COL11A1: variants seen among roughly 807,000 people sequenced by gnomAD.
COL11A1 encodes the protein collagen alpha-1(XI) chain.
COL11A1 carries 74 observed loss-of-function variants against 265.2 expected under a neutral mutation model. That is an observed-to-expected ratio of 0.28 (90% confidence interval 0.23 to 0.34). The LOEUF (loss-of-function observed/expected upper bound fraction) is 0.34. COL11A1 is among the 10% of genes least tolerant of loss of function. The pLI is 1.00. For synonymous variants in COL11A1, 816 were observed against 727.6 expected (o/e 1.12, Z -1.96); for missense variants, 2,165 against 2,263.6 (o/e 0.96, Z 0.88).
intron 4 of COL11A1, among the ~76,000 whole-genome samples, chr1:103,071,415 A>C (rs1468827130): frequency 6.8e-6 from 1 of 146,758 alleles, no homozygotes; most frequent in Non-Finnish European, 1.5e-5. Context: ...ACATCTTTGA[A>C]TCTTATTTAG....
chr1:102,898,164 G>C lies in COL11A1; in HGVS notation c.4263C>G (p.Leu1421=). 6.8e-7 allele frequency: 1 copy of C among 1,470,202 alleles called. No homozygotes were observed. Among genetic ancestry groups the C allele is most frequent in the East Asian group, 2.5e-5 (1 of 39,404 alleles). 91.1% of individuals were successfully genotyped at this position (1,470,202 alleles called of 1,614,324 possible). ...GTCCATCTTGGCCTGCAGCTCCAGG[G>C]AGACCTTGTTCTCCCTAGAGAAAAT... ...GIPGPVGEQG[L]PGAAGQDGPP... is the part of the protein sequence containing the mutation. The change falls in exon 57 of 67, where the codon CTC becomes CTG. Residue 1421 remains leucine (L), a synonymous_variant. Coordinates refer to ENST00000370096, the MANE Select transcript of COL11A1 (RefSeq NM_001854.4).
At chr1:103,078,556 C>T in intron 3 of COL11A1, 102 bp downstream of exon 3, 1 of 1,062,424 alleles carries the variant, frequency 9.4e-7, no homozygotes, top group Non-Finnish European at 1.4e-6. Context: ...TTATCACCAG[C>T]CTCTAGAAAA....
intron 4 of COL11A1, among the ~76,000 whole-genome samples, chr1:103,065,787 T>A (rs1214182699): frequency 6.6e-6 from 1 of 152,008 alleles, no homozygotes; most frequent in Non-Finnish European, 1.5e-5. Flanking sequence ...AAAATATTCA[T>A]TTACAGATGT....
chr1:102,977,933 T>C (rs557169358), intron 35 of COL11A1, among the ~76,000 whole-genome samples: 2 of 152,250 alleles, frequency 1.3e-5, no homozygotes, highest in South Asian at 4.1e-4. Context: ...TCATTTTCAA[T>C]TTTAGGTTAT....
chr1:102,930,070 G>T (rs1050877429), intron 46 of COL11A1, among the ~76,000 whole-genome samples: 65 of 152,184 alleles, frequency 4.3e-4, no homozygotes, highest in Non-Finnish European at 8.2e-4. Flanking sequence ...TTTCCTAATT[G>T]AATACCCTTT....
At chr1:102,886,035 T>G (rs1475303539) in intron 63 of COL11A1, among the ~76,000 whole-genome samples, 1 of 152,142 alleles carries the variant, frequency 6.6e-6, no homozygotes, top group Non-Finnish European at 1.5e-5. Flanking sequence ...ATTATATGAT[T>G]GGTAGTGCAA....
chr1:103,002,902 T>C lies in COL11A1; in HGVS notation c.1999-111A>G, dbSNP rs184825141. The C allele has an allele frequency of 8.7e-4, 912 of 1,044,108 alleles. 2 individuals are homozygous for C. Among genetic ancestry groups the C allele is most frequent in the Admixed American group, 1.3e-3 (65 of 49,224 alleles). The allele number at this position is 1,044,108 out of a possible 1,614,324, so 64.7% of individuals were successfully genotyped here. A position where few individuals can be genotyped will look rare whatever the true frequency, so the allele number is the denominator to read the frequency against. Reference sequence around the variant, plus strand: ...ATTCACTACCCTAAGCAACTAAAAATCATTTTAGGATTTAATGGAAACGAA... The same window carrying C: ...ATTCACTACCCTAAGCAACTAAAAACCATTTTAGGATTTAATGGAAACGAA... On this transcript the variant is annotated intron_variant, in intron 21 of 66. Transcript: ENST00000370096.
At chr1:103,053,339 G>A (rs999916642) in intron 4 of COL11A1, among the ~76,000 whole-genome samples, 1 of 152,104 alleles carries the variant, frequency 6.6e-6, no homozygotes. Flanking sequence ...CAAAATATGG[G>A]ACTTTATTTG....
At chr1:102,980,628 A>G (rs1662945996) in intron 31 of COL11A1, among the ~76,000 whole-genome samples, 1 of 117,802 alleles carries the variant, frequency 8.5e-6, no homozygotes, top group Admixed American at 9.8e-5. Flanking sequence ...AATATAACAA[A>G]GCCTTGTTTG....
intron 41 of COL11A1, among the ~76,000 whole-genome samples, chr1:102,954,392 T>C (rs1660165128): frequency 6.6e-6 from 1 of 152,050 alleles, no homozygotes; most frequent in African/African-American, 2.4e-5. Flanking sequence ...CTGAGGAGCA[T>C]TTGTAAAGTA....
intron 1 of COL11A1, among the ~76,000 whole-genome samples, chr1:103,086,733 A>G (rs1672905259): frequency 6.6e-6 from 1 of 151,976 alleles, no homozygotes; most frequent in Non-Finnish European, 1.5e-5. Flanking sequence ...ATCTTTTAAC[A>G]CCATGACCTT....
intron 4 of COL11A1, among the ~76,000 whole-genome samples, chr1:103,046,452 G>GT (rs1232445642): frequency 1.3e-4 from 20 of 151,604 alleles, no homozygotes; most frequent in Non-Finnish European, 2.6e-4. Flanking sequence ...TGATGGGGTT[G>GT]TTAGTTTTTT....
At chr1:102,915,719 AG>A (rs1655259303) in intron 49 of COL11A1, 35 bp from the exon 50 acceptor site, 1 of 1,451,266 alleles carries the variant, frequency 6.9e-7, no homozygotes, top group African/African-American at 1.4e-5. Flanking sequence ...ATTAGAATAC[AG>A]AGATGATCTT....
At chr1:103,070,117 T>C (rs1180251646) in intron 4 of COL11A1, among the ~76,000 whole-genome samples, 1 of 151,334 alleles carries the variant, frequency 6.6e-6, no homozygotes, top group East Asian at 1.9e-4. Context: ...GCTTTATAGA[T>C]GCCATAACCT....
rs1409930248 is a variant in COL11A1, at chr1:102,898,680, T to G, written c.4234A>C (p.Ile1412Leu). 2 of 1,612,370 alleles carry G rather than the reference T, an allele frequency of 1.2e-6. No homozygotes were observed. The highest frequency in any genetic ancestry group is 1.7e-6 in the Non-Finnish European group (2 of 1,178,948). ...GKPGPEGLRGIPGPVGEQGLP... is the reference protein window; with the variant it reads ...GKPGPEGLRGLPGPVGEQGLP... ...CAGATGCTCACCACAGGACCAGGGA[T>G]GCCCCGAAGACCTTCTGGACCAGGC... is the stretch of plus-strand genomic sequence containing the variant. Residue 1412 changes from isoleucine (I) to leucine (L), a missense_variant, in exon 56 of 67, where the codon ATC (isoleucine) becomes CTC (leucine). Ile to Leu is a conservative substitution (Grantham distance 5, BLOSUM62 2). Transcript: ENST00000370096.
chr1:102,938,818 A>C (rs571820832), intron 44 of COL11A1, among the ~76,000 whole-genome samples: 52 of 152,280 alleles, frequency 3.4e-4, no homozygotes, highest in Non-Finnish European at 6.8e-4. Context: ...AGAGTTATAA[A>C]TAATGGCCTT....
chr1:102,989,385 T>C (rs1051719934), intron 29 of COL11A1, 133 bp downstream of exon 29: 3 of 478,444 alleles, frequency 6.3e-6, no homozygotes, highest in Non-Finnish European at 7.2e-6. Context: ...GTATAAAAAC[T>C]TAAATGAGTA....
chr1:103,020,087 C>T (rs1391173369), intron 9 of COL11A1, among the ~76,000 whole-genome samples: 2 of 151,378 alleles, frequency 1.3e-5, no homozygotes, highest in African/African-American at 2.4e-5. Flanking sequence ...GATTTATAGT[C>T]CTTTGGGTAT....
At chr1:103,002,371 A>T in intron 23 of COL11A1, 57 bp downstream of exon 23, 1 of 1,401,630 alleles carries the variant, frequency 7.1e-7, no homozygotes, top group Non-Finnish European at 1.0e-6. Context: ...ATTTTCTTAT[A>T]GAAAGATAGC....
Sources: allele counts gnomAD v4.1 joint callset (sites outside exome capture counted in the v4.1 genomes callset), GRCh38; gene constraint gnomAD v4.1.1; transcripts MANE v1.5; gene names NCBI Gene and HGNC (gene_info 2026-07-23, HGNC 2026-07-21).